Variants in TOP3A observed in about 807,000 individuals in gnomAD.
TOP3A encodes the protein DNA topoisomerase 3-alpha.
TOP3A carries 64 observed loss-of-function variants against 111.3 expected under a neutral mutation model. That is an observed-to-expected ratio of 0.57 (90% CI 0.47 to 0.71). The LOEUF (loss-of-function observed/expected upper bound fraction) is 0.71. Among genes scored for constraint, TOP3A ranks in the 30% least tolerant of loss-of-function variants. The pLI, the probability that TOP3A is intolerant of heterozygous loss-of-function variation, is 0.00. For missense variants in TOP3A, 1,104 were observed against 1,285.0 expected, an observed-to-expected ratio of 0.86 and a Z score of 2.15; for synonymous variants, 484 against 485.1, an observed-to-expected ratio of 1.00 and a Z score of 0.03.
chr17:18,313,479 C>A, intron 1 of TOP3A: 1 of 165,622 alleles, frequency 6.0e-6, no homozygotes, highest in East Asian at 1.5e-4. Flanking sequence ...TTGTGAGAAC[C>A]AATGGAAAAG....
Position 18,301,945 on chromosome 17 carries a change from C to T in TOP3A, c.855G>A (p.Trp285Ter). The T allele has an allele frequency of 6.2e-7, 1 of 1,614,170 alleles. No individual in the cohort carries two copies. Among genetic ancestry groups the T allele is most frequent in the Non-Finnish European group, 8.5e-7 (1 of 1,180,036 alleles). The change falls in exon 8 of 19, where the codon TGG becomes TGA. Residue 285 changes from tryptophan (W) to a stop codon, truncating the protein, a stop_gained. Coordinates refer to ENST00000321105, the MANE Select transcript of TOP3A (RefSeq NM_004618.5). LOFTEE classifies it high-confidence loss of function. ...DHKDGIVEFN[W>*]KRHRLFNHTA... is the part of the protein sequence containing the mutation. ...TGTGGTTAAAGAGTCGATGCCTTTT[C>T]CAGTTGAATTCTACGATACCATCTT...
At chr17:18,288,458 A>C (rs1183739081) in intron 13 of TOP3A, among the ~76,000 whole-genome samples, 2 of 150,656 alleles carry the variant, frequency 1.3e-5, no homozygotes, top group African/African-American at 4.9e-5. Context: ...TAATCTTTTA[A>C]AAATATTATT....
At chr17:18,283,419 G>A (rs183713152) in intron 15 of TOP3A, among the ~76,000 whole-genome samples, 1 of 152,004 alleles carries the variant, frequency 6.6e-6, no homozygotes, top group East Asian at 1.9e-4. Flanking sequence ...CTCCAGGAGT[G>A]TCTGTCTGTA....
chr17:18,290,503 G>A, intron 13 of TOP3A, 54 bp downstream of exon 13: 1 of 1,482,344 alleles, frequency 6.7e-7, no homozygotes, highest in Non-Finnish European at 9.0e-7. Context: ...CCTGTACCTG[G>A]TACACTGTAA....
intron 8 of TOP3A, among the ~76,000 whole-genome samples, chr17:18,300,720 T>G (rs1377067583): frequency 6.6e-6 from 1 of 152,058 alleles, no homozygotes; most frequent in African/African-American, 2.4e-5. Flanking sequence ...CACGCCCAGC[T>G]AATTTTTCTT....
intron 15 of TOP3A, among the ~76,000 whole-genome samples, chr17:18,283,601 G>C (rs992708058): frequency 6.6e-6 from 1 of 152,118 alleles, no homozygotes; most frequent in Admixed American, 6.5e-5. Flanking sequence ...ACACCAGTTG[G>C]ACATCCTCTA....
At chr17:18,275,437 G>A (rs1285557209) in intron 18 of TOP3A, among the ~76,000 whole-genome samples, 1 of 140,268 alleles carries the variant, frequency 7.1e-6, no homozygotes, top group Non-Finnish European at 1.5e-5. Context: ...TCCACTCACT[G>A]CAAGCTCCAC....
In TOP3A at chr17:18,314,924, A is replaced by T. The variant is rs1025977277; in HGVS notation, c.-146T>A. On this transcript the variant is annotated 5_prime_UTR_variant, in exon 1 of 19. Coordinates refer to ENST00000321105, the MANE Select transcript of TOP3A (RefSeq NM_004618.5). ...CCAGCCTGCTGGCCTTTGGAGCTTC[A>T]GTCACTGAGCCTTTCCCGTGCCGCA... 6.4e-6 allele frequency: 2 copies of T among 311,942 alleles called. No individual in the cohort carries two copies. The highest frequency in any genetic ancestry group is 5.8e-6 in the Non-Finnish European group (1 of 171,212). 19.3% of individuals were successfully genotyped at this position (311,942 alleles called of 1,614,324 possible).
In TOP3A at chr17:18,301,899, G is replaced by A; in HGVS notation, c.901C>T (p.Gln301Ter). 4 of 1,614,058 alleles carry A rather than the reference G, an allele frequency of 2.5e-6. No homozygotes were observed. The highest frequency in any genetic ancestry group is 3.4e-6 in the Non-Finnish European group (4 of 1,179,934). ...FNHTACLVLY[Q>*]LCVEDPMATV... ...GGGGTTCTTACCTCCACACACAACT[G>A]ATAGAGAACTAGGCAAGCCGTGTGG... Residue 301 changes from glutamine to a stop codon, truncating the protein, a stop_gained, in exon 8 of 19, where the codon CAG (glutamine) becomes TAG (stop). Coordinates refer to ENST00000321105, the MANE Select transcript of TOP3A (RefSeq NM_004618.5). LOFTEE classifies it high-confidence loss of function.
In TOP3A at chr17:18,306,984, A is replaced by T; in HGVS notation, c.315-18T>A. 1 of 1,593,792 alleles carries T rather than the reference A, an allele frequency of 6.3e-7. No individual in the cohort carries two copies. The highest frequency in any genetic ancestry group is 1.1e-5 in the South Asian group (1 of 90,584). On this transcript the variant is annotated intron_variant, in intron 3 of 18. Transcript: ENST00000321105. ...AGCTCTGCCTAGAAAAGAAATGAAAACAGAGTCCCAACTCAGTACATGACA... is the reference window on the plus strand; with the variant it reads ...AGCTCTGCCTAGAAAAGAAATGAAATCAGAGTCCCAACTCAGTACATGACA...
intron 18 of TOP3A, 139 bp from the exon 19 acceptor site, chr17:18,275,119 G>T: frequency 2.3e-6 from 3 of 1,287,182 alleles, no homozygotes; most frequent in Non-Finnish European, 3.2e-6. Context: ...AGGAGTTCAA[G>T]ATCAGCCTGG....
At chr17:18,306,474 C>T (rs1164438158) in intron 4 of TOP3A, 1 of 161,650 alleles carries the variant, frequency 6.2e-6, no homozygotes, top group African/African-American at 2.4e-5. Context: ...TCAAGTAATC[C>T]TCCTTCCTCA....
intron 8 of TOP3A, among the ~76,000 whole-genome samples, chr17:18,301,031 G>A (rs748950173): frequency 8.5e-5 from 13 of 152,188 alleles, no homozygotes; most frequent in South Asian, 2.1e-4. Flanking sequence ...AACACATAAC[G>A]AAGTGTACCT....
In TOP3A at chr17:18,272,237, T is replaced by C. The variant is rs1272026910; in HGVS notation, c.*2565A>G. 6.6e-6 allele frequency among the ~76,000 whole-genome samples: 1 copy of C among 152,024 alleles called. No individual in the cohort carries two copies. Among genetic ancestry groups the C allele is most frequent in the Admixed American group, 6.5e-5 (1 of 15,268 alleles). ...ACACGCCACTTCATACCCACTAGGA[T>C]GACAAAACACTAGGATGGCTATAAT... On this transcript the variant is annotated 3_prime_UTR_variant, in exon 19 of 19. Coordinates refer to ENST00000321105, the MANE Select transcript of TOP3A (RefSeq NM_004618.5).
Position 18,306,921 on chromosome 17 carries a change from C to T in TOP3A, c.360G>A (p.Lys120=). 6.2e-7 allele frequency: 1 copy of T among 1,613,948 alleles called. No homozygotes were observed. The highest frequency in any genetic ancestry group is 8.5e-7 in the Non-Finnish European group (1 of 1,179,876). ...PLVLFEAEIE[K]YCPENFVDIK... is the part of the protein sequence containing the mutation. ...TGTCTACAAAATTCTCTGGGCAGTA[C>T]TTTTCAATTTCTGCTTCAAAGAGGA... The change falls in exon 4 of 19, where the codon AAG becomes AAA. Residue 120 remains lysine, a synonymous_variant. Transcript: ENST00000321105.
Position 18,272,423 on chromosome 17 carries a change from T to C in TOP3A, c.*2379A>G, listed in dbSNP as rs1979051476. On this transcript the variant is annotated 3_prime_UTR_variant, in exon 19 of 19. Coordinates refer to ENST00000321105, the MANE Select transcript of TOP3A (RefSeq NM_004618.5). ...TGGTATAAAACTACAATTCCATTCC[T>C]CGGCATATGCCCAAAATAACTGAAA... Among the ~76,000 whole-genome samples the C allele has an allele frequency of 6.6e-6, 1 of 152,244 alleles. No homozygotes were observed. Among genetic ancestry groups the C allele is most frequent in the South Asian group, 2.1e-4 (1 of 4,836 alleles).
intron 15 of TOP3A, among the ~76,000 whole-genome samples, chr17:18,283,241 T>C (rs1271700607): frequency 2.0e-5 from 3 of 152,046 alleles, no homozygotes; most frequent in African/African-American, 4.8e-5. Flanking sequence ...TGGTGGCGCA[T>C]GCCTGTAATC....
chr17:18,271,514 CG>C lies in TOP3A; in HGVS notation c.*3287del, dbSNP rs994924096. On this transcript the variant is annotated 3_prime_UTR_variant, in exon 19 of 19. Transcript: ENST00000321105. ...CAATATGAACAAGGACACCCCATTA[CG>C]GATGAGGCAACTGGGGCTCCAAGGA... 4.7e-6 allele frequency: 1 copy of C among 211,878 alleles called. No homozygotes were observed. Among genetic ancestry groups the C allele is most frequent in the African/African-American group, 2.4e-5 (1 of 41,736 alleles). 13.1% of individuals were successfully genotyped at this position (211,878 alleles called of 1,614,324 possible).
intron 3 of TOP3A, 186 bp from the exon 4 acceptor site, chr17:18,307,152 C>A: frequency 2.1e-6 from 1 of 480,974 alleles, no homozygotes; most frequent in Non-Finnish European, 3.7e-6. Flanking sequence ...GTGAACAGGA[C>A]TGATAAGATG....
Sources: gnomAD v4.1 joint callset for allele counts (sites outside exome capture counted in the v4.1 genomes callset) on GRCh38, gnomAD v4.1.1 for gene constraint, MANE v1.5 for transcripts, NCBI Gene and HGNC (gene_info 2026-07-23, HGNC 2026-07-21) for gene names.